GPR176: variants seen among roughly 807,000 people sequenced by gnomAD.
GPR176 encodes the protein G protein-coupled receptor 176, also known as G-protein coupled receptor 176.
GPR176 carries 26 observed loss-of-function variants against 35.4 expected under a neutral mutation model. That is an observed-to-expected ratio of 0.74 (90% CI 0.54 to 1.02). The LOEUF (loss-of-function observed/expected upper bound fraction) is 1.02. Among genes scored for constraint, GPR176 ranks in the 50% least tolerant of loss-of-function variants. The pLI is 0.00. For missense variants in GPR176, 597 were observed against 665.3 expected (o/e 0.90, Z 1.13); for synonymous variants, 278 against 271.3 (o/e 1.02, Z -0.24).
chr15:39,898,673 G>A (rs1465824131), intron 1 of GPR176, among the ~76,000 whole-genome samples: 1 of 152,182 alleles, frequency 6.6e-6, no homozygotes, highest in East Asian at 1.9e-4. Flanking sequence ...AGCCATGTAG[G>A]GGATGTCACT....
chr15:39,851,789 C>A (rs1475819620), intron 1 of GPR176, among the ~76,000 whole-genome samples: 1 of 150,680 alleles, frequency 6.6e-6, no homozygotes, highest in African/African-American at 2.5e-5. Flanking sequence ...TATATTTTAG[C>A]ACATGAAGAA....
chr15:39,850,839 G>C, intron 1 of GPR176, among the ~76,000 whole-genome samples: 1 of 151,986 alleles, frequency 6.6e-6, no homozygotes, highest in Admixed American at 6.6e-5. Context: ...CAGCTGTGGG[G>C]AGAATGAATG....
rs778748864 is a variant in GPR176, at chr15:39,802,213, T to A, written c.467A>T (p.Asp156Val). ...VLYPLERKIS[D>V]AKSRELVMYI... ...CATCACCAGTTCACGGGACTTGGCA[T>A]CAGATATTTTCCTCTCCAGTGGATA... Residue 156 changes from aspartate to valine, a missense_variant, in exon 3 of 3, where the codon GAT becomes GTT. Asp to Val is a radical substitution (Grantham distance 152). Transcript: ENST00000561100. The A allele has an allele frequency of 5.0e-6, 8 of 1,613,494 alleles. No individual in the cohort carries two copies. Among genetic ancestry groups the A allele is most frequent in the Non-Finnish European group, 6.8e-6 (8 of 1,179,580 alleles).
intron 1 of GPR176, among the ~76,000 whole-genome samples, chr15:39,900,295 T>A (rs1296150899): frequency 1.3e-5 from 2 of 151,444 alleles, no homozygotes; most frequent in Admixed American, 1.3e-4. Flanking sequence ...TAGTAGAGGT[T>A]AATTTCAATT....
chr15:39,817,765 A>G (rs1900012522), intron 1 of GPR176, among the ~76,000 whole-genome samples: 2 of 152,230 alleles, frequency 1.3e-5, no homozygotes, highest in Admixed American at 6.5e-5. Flanking sequence ...AGAGAAGTCA[A>G]ATGATACCTG....
intron 1 of GPR176, among the ~76,000 whole-genome samples, chr15:39,885,194 A>C (rs1313366004): frequency 6.6e-6 from 1 of 152,180 alleles, no homozygotes; most frequent in Non-Finnish European, 1.5e-5. Context: ...AACAACCTCA[A>C]AGAGCATTTG....
intron 1 of GPR176, among the ~76,000 whole-genome samples, chr15:39,826,290 A>G (rs1225325063): frequency 6.6e-6 from 1 of 152,222 alleles, no homozygotes; most frequent in African/African-American, 2.4e-5. Flanking sequence ...AGTGAAGGCT[A>G]GAAGTAGAAA....
chr15:39,893,818 C>T (rs2032974078), intron 1 of GPR176, among the ~76,000 whole-genome samples: 1 of 145,258 alleles, frequency 6.9e-6, no homozygotes, highest in Non-Finnish European at 1.5e-5. Context: ...GGGCGGCTGG[C>T]CTGGCAGAGG....
chr15:39,862,788 G>A (rs1324068757), intron 1 of GPR176, among the ~76,000 whole-genome samples: 1 of 151,844 alleles, frequency 6.6e-6, no homozygotes, highest in Non-Finnish European at 1.5e-5. Flanking sequence ...AAACTACTAT[G>A]GTACTTTTTG....
intron 1 of GPR176, chr15:39,862,471 G>A (rs140084212): frequency 6.6e-6 from 1 of 152,264 alleles, no homozygotes; most frequent in African/African-American, 2.4e-5. Context: ...AAAAGTCAGT[G>A]GACCACTACA....
chr15:39,907,102 A>C (rs2033443908), intron 1 of GPR176, among the ~76,000 whole-genome samples: 1 of 152,236 alleles, frequency 6.6e-6, no homozygotes, highest in Admixed American at 6.5e-5. Flanking sequence ...GGATGGATAC[A>C]AGCCAGCCAT....
chr15:39,853,095 C>A (rs567194427), intron 1 of GPR176, among the ~76,000 whole-genome samples: 3 of 152,182 alleles, frequency 2.0e-5, no homozygotes, highest in African/African-American at 7.2e-5. Flanking sequence ...AAATCTGAAT[C>A]TTGAAGAGAT....
At chr15:39,869,640 CTTTT>C (rs1239480789) in intron 1 of GPR176, among the ~76,000 whole-genome samples, 1 of 152,222 alleles carries the variant, frequency 6.6e-6, no homozygotes, top group African/African-American at 2.4e-5. Context: ...TCCCTTCATT[CTTTT>C]GTTTCTCTCA....
At chr15:39,910,855 T>C (rs143625518) in intron 1 of GPR176, among the ~76,000 whole-genome samples, 2,357 of 152,134 alleles carry the variant, frequency 0.015, 25 homozygotes, top group African/African-American at 0.023. Context: ...CTGGCCAACA[T>C]GGTGAAACCC....
At chr15:39,853,412 G>A (rs1015088171) in intron 1 of GPR176, among the ~76,000 whole-genome samples, 2 of 152,174 alleles carry the variant, frequency 1.3e-5, no homozygotes, top group Non-Finnish European at 2.9e-5. Context: ...TGGGGAAGGA[G>A]GAAAAGGGGA....
intron 1 of GPR176, among the ~76,000 whole-genome samples, chr15:39,818,932 C>T (rs1566939472): frequency 1.3e-5 from 2 of 152,206 alleles, no homozygotes; most frequent in African/African-American, 2.4e-5. Context: ...TCTCTGGTTG[C>T]TCATATTAGG....
At chr15:39,862,821 C>A (rs1042423747) in intron 1 of GPR176, among the ~76,000 whole-genome samples, 3 of 151,858 alleles carry the variant, frequency 2.0e-5, no homozygotes, top group Admixed American at 6.6e-5. Flanking sequence ...CCACATTATA[C>A]TTTTAATCTT....
intron 1 of GPR176, among the ~76,000 whole-genome samples, chr15:39,878,053 C>T (rs572303976): frequency 6.6e-6 from 1 of 150,468 alleles, no homozygotes; most frequent in African/African-American, 2.4e-5. Context: ...TTATGATTAC[C>T]ACAATCAAGC....
At chr15:39,803,613 G>A (rs1899022711) in intron 2 of GPR176, among the ~76,000 whole-genome samples, 1 of 152,080 alleles carries the variant, frequency 6.6e-6, no homozygotes, top group African/African-American at 2.4e-5. Context: ...CACCACCTAT[G>A]CACCAGGTCC....
Sources: allele counts gnomAD v4.1 joint callset (sites outside exome capture counted in the v4.1 genomes callset), GRCh38; gene constraint gnomAD v4.1.1; transcripts MANE v1.5; gene names NCBI Gene and HGNC (gene_info 2026-07-23, HGNC 2026-07-21).